Variants in UBE3D observed in about 807,000 individuals in gnomAD.
UBE3D encodes E3 ubiquitin-protein ligase E3D.
Under a neutral mutation model 49.6 loss-of-function variants are expected in UBE3D, and 48 were observed. That is an observed-to-expected ratio of 0.97 (90% CI 0.77 to 1.23). The LOEUF is 1.23. UBE3D is among the 50% of genes most tolerant of loss of function. UBE3D has a pLI of 0.00. For synonymous variants in UBE3D, 189 were observed against 174.2 expected, an observed-to-expected ratio of 1.08 and a Z score of -0.67; for missense variants, 452 against 468.4, an observed-to-expected ratio of 0.96 and a Z score of 0.32.
chr6:83,019,277 G>A, intron 7 of UBE3D, 141 bp from the exon 8 acceptor site: 1 of 743,298 alleles, frequency 1.3e-6, no homozygotes, highest in Non-Finnish European at 1.9e-6. Context: ...TTAAAGTTGG[G>A]TAGGCCTTTC....
intron 8 of UBE3D, among the ~76,000 whole-genome samples, chr6:82,964,249 G>A (rs990166449): frequency 3.3e-5 from 5 of 152,136 alleles, no homozygotes; most frequent in Non-Finnish European, 7.4e-5. Flanking sequence ...GTGAAATTGA[G>A]AATGAATCAA....
chr6:83,048,499 A>G (rs1396533111), intron 3 of UBE3D, among the ~76,000 whole-genome samples: 3 of 152,218 alleles, frequency 2.0e-5, no homozygotes, highest in African/African-American at 7.2e-5. Flanking sequence ...AGTGCAAAAG[A>G]CAACAATGTC....
At chr6:83,036,659 G>C (rs1019695850) in intron 5 of UBE3D, 1 of 151,484 alleles carries the variant, frequency 6.6e-6, no homozygotes, top group Non-Finnish European at 1.5e-5. Context: ...GAAATGCTGA[G>C]AGAAAGTTCT....
At chr6:82,926,373 C>T (rs1246852742) in intron 9 of UBE3D, among the ~76,000 whole-genome samples, 1 of 152,098 alleles carries the variant, frequency 6.6e-6, no homozygotes, top group Non-Finnish European at 1.5e-5. Context: ...ATAGAAGAGA[C>T]TGTTACTTGC....
chr6:82,913,408 G>C (rs1484395374), intron 9 of UBE3D, among the ~76,000 whole-genome samples: 2 of 152,182 alleles, frequency 1.3e-5, no homozygotes, highest in Non-Finnish European at 2.9e-5. Context: ...AGTAGGCTGA[G>C]GATAACTAGG....
intron 9 of UBE3D, among the ~76,000 whole-genome samples, chr6:82,907,084 AG>A (rs1011271848): frequency 1.3e-5 from 2 of 152,152 alleles, no homozygotes; most frequent in African/African-American, 4.8e-5. Flanking sequence ...AAATGGAGGG[AG>A]GAGTGAGAAA....
At chr6:82,967,149 C>A (rs949331954) in intron 8 of UBE3D, among the ~76,000 whole-genome samples, 6 of 152,192 alleles carry the variant, frequency 3.9e-5, no homozygotes, top group South Asian at 2.1e-4. Flanking sequence ...CCATTTCTTC[C>A]CACTTTTTGT....
At chr6:82,887,387 C>A in the UBE3D span, among the ~76,000 whole-genome samples, 10 of 69,480 alleles carry the variant, frequency 1.4e-4, no homozygotes, top group South Asian at 4.2e-4. Flanking sequence ...GAGACAGTAA[C>A]AGTTTTTTTT....
At chr6:82,933,889 ACG>A (rs1774353606) in intron 9 of UBE3D, among the ~76,000 whole-genome samples, 3 of 152,220 alleles carry the variant, frequency 2.0e-5, no homozygotes, top group African/African-American at 4.8e-5. Context: ...AGCTAAAGCC[ACG>A]TGAGTGCCTA....
At chr6:83,014,947 G>T (rs1380943314) in intron 8 of UBE3D, among the ~76,000 whole-genome samples, 1 of 152,122 alleles carries the variant, frequency 6.6e-6, no homozygotes, top group African/African-American at 2.4e-5. Context: ...TCACTTCTAG[G>T]AACATCGTAA....
At chr6:82,979,219 T>A (rs1176531433) in intron 8 of UBE3D, among the ~76,000 whole-genome samples, 2 of 152,320 alleles carry the variant, frequency 1.3e-5, no homozygotes, top group East Asian at 3.9e-4. Flanking sequence ...TGATTTTTTT[T>A]AAATCATCAT....
In UBE3D at chr6:83,046,676, G is replaced by GGGGT. The variant is rs1554211658; in HGVS notation, c.366-2018_366-2017insACCC. The stretch of plus-strand genomic sequence containing the variant: ...GTTCTAAATTCTTGCAGTTGGCGGG[G>GGGGT]GGGGTGGGCGGTGGCACCGGGGGAG... On this transcript the variant is annotated intron_variant, in intron 3 of 9. Coordinates refer to ENST00000369747, the MANE Select transcript of UBE3D (RefSeq NM_198920.3). 1.6e-4 allele frequency among the ~76,000 whole-genome samples: 22 copies of GGGGT among 138,300 alleles called. 1 individual carries two copies. Among genetic ancestry groups the GGGGT allele is most frequent in the Non-Finnish European group, 2.8e-4 (18 of 64,768 alleles). 90.7% of individuals were successfully genotyped at this position (138,300 alleles called of 152,430 possible).
chr6:82,953,893 C>T (rs1334787276), intron 9 of UBE3D, among the ~76,000 whole-genome samples: 1 of 152,140 alleles, frequency 6.6e-6, no homozygotes, highest in Non-Finnish European at 1.5e-5. Flanking sequence ...GAGGGGATAC[C>T]TGAACTGAGA....
chr6:82,917,997 A>G (rs1235120669), intron 9 of UBE3D, among the ~76,000 whole-genome samples: 1 of 152,138 alleles, frequency 6.6e-6, no homozygotes, highest in African/African-American at 2.4e-5. Flanking sequence ...TTTTCCTTCA[A>G]TAAACTCCTT....
downstream of UBE3D, among the ~76,000 whole-genome samples, chr6:82,889,816 TGTA>T (rs1469706822): frequency 8.6e-5 from 13 of 151,896 alleles, no homozygotes; most frequent in Non-Finnish European, 1.2e-4. Context: ...ATGCTTGAAA[TGTA>T]GTAGATGTTC....
rs749093280 is a variant in UBE3D at position 83,057,971 on chromosome 6, T to C, written c.129A>G (p.Ser43=). 1 of 1,614,120 alleles carries C rather than the reference T, an allele frequency of 6.2e-7. No homozygotes were observed. ...AGCCTTCAGGGGTTTTCATCTGGAG[T>C]GAAGATGGCATTATGGAAATATTCA... ...MPMNISIMPS[S]LQMKTPEGCT... is the part of the protein sequence containing the mutation. Residue 43 remains serine (S), a synonymous_variant, in exon 2 of 10, where the codon TCA becomes TCG. Coordinates refer to ENST00000369747, the MANE Select transcript of UBE3D (RefSeq NM_198920.3).
At chr6:82,946,341 G>A (rs371734162) in intron 9 of UBE3D, among the ~76,000 whole-genome samples, 3 of 151,964 alleles carry the variant, frequency 2.0e-5, no homozygotes, top group African/African-American at 7.3e-5. Context: ...CAGGCCAGGA[G>A]AGAGTGGCAT....
At chr6:82,971,357 G>A (rs907261444) in intron 8 of UBE3D, among the ~76,000 whole-genome samples, 4 of 151,786 alleles carry the variant, frequency 2.6e-5, no homozygotes, top group Admixed American at 2.6e-4. Flanking sequence ...CTAAGTAAGT[G>A]GCAGTCAAAG....
intron 9 of UBE3D, among the ~76,000 whole-genome samples, chr6:82,942,192 C>T (rs1775065499): frequency 6.6e-6 from 1 of 152,132 alleles, no homozygotes; most frequent in South Asian, 2.1e-4. Flanking sequence ...TTGTTGGGAA[C>T]TGGAATAGAA....
Sources: allele counts gnomAD v4.1 joint callset (sites outside exome capture counted in the v4.1 genomes callset), GRCh38; gene constraint gnomAD v4.1.1; transcripts MANE v1.5; gene names NCBI Gene and HGNC (gene_info 2026-07-23, HGNC 2026-07-21).